The following CNGB3 variants were observed in gnomAD, a reference collection of about 807,000 sequenced individuals.
CNGB3 encodes cyclic nucleotide-gated channel beta-3.
Under a neutral mutation model 92.8 loss-of-function variants are expected in CNGB3, and 86 were observed. The observed-to-expected ratio is 0.93, with a 90% confidence interval of 0.78 to 1.11. CNGB3 has a LOEUF of 1.11. CNGB3 is among the 50% of genes least tolerant of loss of function. The pLI is 0.00. For synonymous variants in CNGB3, 333 were observed against 332.7 expected (o/e 1.00, Z -0.01); for missense variants, 1,026 against 956.8 (o/e 1.07, Z -0.95).
intron 6 of CNGB3, among the ~76,000 whole-genome samples, chr8:86,663,378 T>G (rs1339246449): frequency 6.6e-6 from 1 of 152,212 alleles, no homozygotes; most frequent in Non-Finnish European, 1.5e-5. Flanking sequence ...TTGACTGCGT[T>G]TCAAAATTCT....
At chr8:86,619,438 T>A (rs925915015) in intron 13 of CNGB3, among the ~76,000 whole-genome samples, 1 of 152,102 alleles carries the variant, frequency 6.6e-6, no homozygotes, top group African/African-American at 2.4e-5. Flanking sequence ...TTGTGAAAAA[T>A]TAATATATAT....
At chr8:86,723,275 A>C (rs992172073) in intron 3 of CNGB3, among the ~76,000 whole-genome samples, 1 of 152,040 alleles carries the variant, frequency 6.6e-6, no homozygotes, top group African/African-American at 2.4e-5. Context: ...CAATAAGAAA[A>C]CTTCTTTTAA....
At chr8:86,657,626 G>C (rs1253322578) in intron 6 of CNGB3, 1 of 404,892 alleles carries the variant, frequency 2.5e-6, no homozygotes, top group East Asian at 6.8e-5. Context: ...GAGCTCCTGT[G>C]GGAGCTGGGG....
intron 13 of CNGB3, among the ~76,000 whole-genome samples, chr8:86,621,992 G>T (rs1391896768): frequency 1.3e-5 from 2 of 152,156 alleles, no homozygotes; most frequent in Non-Finnish European, 2.9e-5. Context: ...GTTGCAGTGA[G>T]CCGAGATTGT....
chr8:86,720,813 CATAT>C (rs4024072), intron 3 of CNGB3, among the ~76,000 whole-genome samples: 29,071 of 134,340 alleles, frequency 0.22, 3,308 homozygotes, highest in Middle Eastern at 0.39. Context: ...TATTCCATGG[CATAT>C]ATATATATAT....
chr8:86,674,668 T>C (rs1336294756), intron 3 of CNGB3, among the ~76,000 whole-genome samples: 1 of 152,262 alleles, frequency 6.6e-6, no homozygotes, highest in Non-Finnish European at 1.5e-5. Context: ...TTCTTGTTTA[T>C]ATTACCAATT....
chr8:86,692,876 T>C (rs1267844913), intron 3 of CNGB3, among the ~76,000 whole-genome samples: 1 of 152,196 alleles, frequency 6.6e-6, no homozygotes, highest in Non-Finnish European at 1.5e-5. Context: ...TGAGGTTTTG[T>C]TTCAAGATTT....
At chr8:86,649,681 G>T (rs1438689401) in intron 7 of CNGB3, among the ~76,000 whole-genome samples, 2 of 151,464 alleles carry the variant, frequency 1.3e-5, no homozygotes, top group Non-Finnish European at 3.0e-5. Context: ...TCTAAGACCT[G>T]AAACCATAAA....
intron 2 of CNGB3, among the ~76,000 whole-genome samples, chr8:86,729,325 C>A (rs991191816): frequency 2.0e-5 from 3 of 152,130 alleles, no homozygotes; most frequent in African/African-American, 4.8e-5. Flanking sequence ...AATTAAATGA[C>A]CAACTGTTCT....
chr8:86,737,276 A>G (rs1017308868), intron 2 of CNGB3, among the ~76,000 whole-genome samples: 1 of 152,178 alleles, frequency 6.6e-6, no homozygotes, highest in Non-Finnish European at 1.5e-5. Context: ...TAGAGAGTAG[A>G]TTGTAAAAAG....
intron 6 of CNGB3, among the ~76,000 whole-genome samples, chr8:86,654,481 G>A (rs540520104): frequency 2.2e-4 from 33 of 152,220 alleles, no homozygotes; most frequent in African/African-American, 7.0e-4. Context: ...GATTTGAAAT[G>A]ACACGTATAC....
chr8:86,643,718 T>C, intron 10 of CNGB3, 33 bp downstream of exon 10: 1 of 1,598,112 alleles, frequency 6.3e-7, no homozygotes, highest in Non-Finnish European at 8.6e-7. Context: ...TTAAAAATAA[T>C]CAATAAAGGT....
intron 15 of CNGB3, among the ~76,000 whole-genome samples, chr8:86,588,080 A>G (rs1279951934): frequency 1.2e-4 from 16 of 137,918 alleles, no homozygotes; most frequent in African/African-American, 4.5e-4. Flanking sequence ...ATTCCTAGGT[A>G]TTTTATTCTC....
intron 10 of CNGB3, among the ~76,000 whole-genome samples, chr8:86,643,342 T>C (rs1195588250): frequency 6.6e-6 from 1 of 151,414 alleles, no homozygotes; most frequent in African/African-American, 2.4e-5. Flanking sequence ...GTTTTGAAAC[T>C]ATAGTCACCC....
rs570363913 is a variant in CNGB3, at chr8:86,594,112, G to A, written c.1781+9981C>T. ...CTGGAGGTCGGGATTGTCCTGAAAA[G>A]TGGACTTACAAAACCACGGAGGTCT... On this transcript the variant is annotated intron_variant, in intron 15 of 17. Coordinates refer to ENST00000320005, the MANE Select transcript of CNGB3 (RefSeq NM_019098.5). 70 of 303,314 alleles carry A rather than the reference G, an allele frequency of 2.3e-4. 1 individual carries two copies. Among genetic ancestry groups the A allele is most frequent in the South Asian group, 2.1e-3 (67 of 32,202 alleles). The allele number at this position is 303,314 out of a possible 1,614,324, so 18.8% of individuals were successfully genotyped here.
chr8:86,604,403 G>A (rs1244666277), intron 14 of CNGB3, among the ~76,000 whole-genome samples, 192 bp from the exon 15 acceptor site: 1 of 152,152 alleles, frequency 6.6e-6, no homozygotes. Flanking sequence ...GAAAGAAAAT[G>A]ATTAGGAAGA....
At chr8:86,731,528 C>T (rs1825155353) in intron 2 of CNGB3, among the ~76,000 whole-genome samples, 1 of 152,088 alleles carries the variant, frequency 6.6e-6, no homozygotes, top group South Asian at 2.1e-4. Context: ...GAATCCAGTC[C>T]TCTCTCAATG....
At chr8:86,580,678 A>G (rs1403035099) in intron 15 of CNGB3, among the ~76,000 whole-genome samples, 1 of 152,246 alleles carries the variant, frequency 6.6e-6, no homozygotes, top group Non-Finnish European at 1.5e-5. Flanking sequence ...ATAAACACAG[A>G]AAGGAATAAG....
intron 15 of CNGB3, among the ~76,000 whole-genome samples, chr8:86,595,139 C>T (rs1822141323): frequency 1.3e-5 from 2 of 152,150 alleles, no homozygotes; most frequent in South Asian, 4.1e-4. Context: ...AAATCTAAGA[C>T]AATACCTGAC....
Sources: allele counts gnomAD v4.1 joint callset (sites outside exome capture counted in the v4.1 genomes callset), GRCh38; gene constraint gnomAD v4.1.1; transcripts MANE v1.5; gene names NCBI Gene and HGNC (gene_info 2026-07-23, HGNC 2026-07-21).